SHPRH: variants seen among roughly 807,000 people sequenced by gnomAD.
SHPRH encodes the protein E3 ubiquitin-protein ligase SHPRH.
SHPRH carries 106 observed loss-of-function variants against 202.5 expected under a neutral mutation model. The ratio of observed to expected loss-of-function variants is 0.52; its 90% CI spans 0.45 to 0.62. SHPRH has a LOEUF of 0.62. SHPRH is among the 20% of genes least tolerant of loss of function. The probability of loss-of-function intolerance (pLI) is 0.00; values close to 1 mark genes in which losing one functional copy is unlikely to be tolerated. For synonymous variants in SHPRH, 729 were observed against 686.0 expected (o/e 1.06, Z -0.98); for missense variants, 1,710 against 2,020.0 (o/e 0.85, Z 2.94).
intron 2 of SHPRH, chr6:145,864,605 T>A (rs199825144): frequency 2.7e-4 from 30 of 109,842 alleles, no homozygotes; most frequent in East Asian, 5.0e-4. Flanking sequence ...AAGAAAGAAA[T>A]TTTTTTTTTT....
At chr6:145,947,716 C>T in intron 5 of SHPRH, 73 bp from the exon 6 acceptor site, 2 of 1,536,034 alleles carry the variant, frequency 1.3e-6, no homozygotes, top group Non-Finnish European at 1.8e-6. Flanking sequence ...ATTACTTTTC[C>T]TAAAGAGAAC....
chr6:145,961,892 T>C (rs368750196), intron 1 of SHPRH, among the ~76,000 whole-genome samples: 22 of 152,192 alleles, frequency 1.4e-4, no homozygotes, highest in African/African-American at 5.3e-4. Context: ...CCAAAGAAAA[T>C]AGTATTTGGT....
chr6:145,931,587 C>T (rs1369999612), intron 14 of SHPRH, among the ~76,000 whole-genome samples: 1 of 152,142 alleles, frequency 6.6e-6, no homozygotes, highest in South Asian at 2.1e-4. Context: ...CTGCCTGCCT[C>T]GGCTTCCCAA....
intron 2 of SHPRH, among the ~76,000 whole-genome samples, chr6:145,867,613 TATATATATATATATATATAGAGAG>T (rs1327534472): frequency 1.6e-5 from 1 of 63,612 alleles, no homozygotes; most frequent in East Asian, 5.6e-4. Flanking sequence ...TATATATATA[TATATATATATATATATATAGAGAG>T]AGAGAGAGAG....
At chr6:145,940,660 C>T (rs970592662) in intron 11 of SHPRH, 63 bp downstream of exon 11, 4 of 1,526,478 alleles carry the variant, frequency 2.6e-6, no homozygotes, top group African/African-American at 1.4e-5. Context: ...CATAACAATA[C>T]TTTTCTCTCT....
downstream of SHPRH, chr6:145,883,459 C>T (rs1780735734): frequency 6.6e-6 from 1 of 152,214 alleles, no homozygotes; most frequent in Non-Finnish European, 1.5e-5. Flanking sequence ...TTTTGTAACT[C>T]AGAGGCAACA....
rs146708400 is a variant in SHPRH at position 145,903,412 on chromosome 6, T to C, written c.4515+7036A>G. On this transcript the variant is annotated intron_variant, in intron 25 of 29. Coordinates refer to ENST00000275233, the MANE Select transcript of SHPRH (RefSeq NM_001042683.3). ...AGTATGGCTAGGCTTCTCTGTGAGTTGGAATGTAGAGATACAGAGTTTTTT... is the reference window on the plus strand; with the variant it reads ...AGTATGGCTAGGCTTCTCTGTGAGTCGGAATGTAGAGATACAGAGTTTTTT... 1.1e-4 allele frequency: 14 copies of C among 129,932 alleles called. No individual in the cohort carries two copies. The East Asian group carries it at 3.4e-3, about 31-fold the overall frequency. 8.0% of individuals were successfully genotyped at this position (129,932 alleles called of 1,614,324 possible).
Position 145,943,623 on chromosome 6 carries a change from T to G in SHPRH, c.1758A>C (p.Lys586Asn). ...LRKKLVPSTK[K>N]GKSQPFINPD... Reference sequence around the variant, plus strand: ...GATTGATAAATGGTTGACTTTTTCCTTTTTTTGTGGATGGAACAAGCTTTT... The same window carrying G: ...GATTGATAAATGGTTGACTTTTTCCGTTTTTTGTGGATGGAACAAGCTTTT... The change falls in exon 9 of 30, where the codon AAA (lysine) becomes AAC (asparagine). Residue 586 changes from lysine (K) to asparagine (N), a missense_variant. Around this residue, in one of 8 missense-constraint regions of SHPRH, gnomAD observed 348 missense variants for 356.9 expected, o/e 0.97. Transcript: ENST00000275233. The G allele has an allele frequency of 6.2e-7, 1 of 1,613,820 alleles. No individual in the cohort carries two copies. The highest frequency in any genetic ancestry group is 8.5e-7 in the Non-Finnish European group (1 of 1,179,848).
At chr6:145,955,604 T>C (rs1252362703) in intron 1 of SHPRH, among the ~76,000 whole-genome samples, 1 of 152,134 alleles carries the variant, frequency 6.6e-6, no homozygotes, top group African/African-American at 2.4e-5. Context: ...CAATTTGTTG[T>C]ATAAAATAAA....
intron 21 of SHPRH, 108 bp downstream of exon 21, chr6:145,921,059 A>G (rs182007713): frequency 3.2e-6 from 3 of 925,980 alleles, no homozygotes; most frequent in East Asian, 5.3e-5. Context: ...TGCCACCTCA[A>G]TCTCAAAAGA....
At chr6:145,948,011 A>G (rs536640382) in intron 5 of SHPRH, among the ~76,000 whole-genome samples, 1 of 152,176 alleles carries the variant, frequency 6.6e-6, no homozygotes, top group South Asian at 2.1e-4. Flanking sequence ...AATAAACAAG[A>G]TAACATTTTT....
chr6:145,897,517 ATTC>A (rs1448922676), intron 25 of SHPRH, among the ~76,000 whole-genome samples: 1 of 152,142 alleles, frequency 6.6e-6, no homozygotes, highest in Admixed American at 6.6e-5. Context: ...AAGAGAAAAT[ATTC>A]TTAATTCATT....
downstream of SHPRH, chr6:145,881,449 AGGGCCCT>A (rs1780565724): frequency 6.6e-6 from 1 of 152,194 alleles, no homozygotes; most frequent in Non-Finnish European, 1.5e-5. Context: ...AGAAAATCCT[AGGGCCCT>A]TCAGACTCCT....
At chr6:145,884,083 G>A (rs991042421), downstream of SHPRH, 1 of 152,160 alleles carries the variant, frequency 6.6e-6, no homozygotes, top group East Asian at 1.9e-4. Context: ...AGGATAGCTT[G>A]CATTGGTGAT....
intron 1 of SHPRH, among the ~76,000 whole-genome samples, chr6:145,961,295 T>C (rs929740484): frequency 5.9e-5 from 9 of 152,198 alleles, no homozygotes; most frequent in Non-Finnish European, 1.0e-4. Context: ...TCAGAATGTC[T>C]TGGAGAAGGG....
At chr6:145,940,861 A>ACTG (rs1786695775) in intron 10 of SHPRH, 60 bp from the exon 11 acceptor site, 3 of 1,561,872 alleles carry the variant, frequency 1.9e-6, no homozygotes, top group Non-Finnish European at 2.6e-6. Context: ...AAGAACACAG[A>ACTG]AGTCAGGCAT....
intron 14 of SHPRH, among the ~76,000 whole-genome samples, chr6:145,932,168 T>A (rs140403469): frequency 1.6e-4 from 25 of 152,308 alleles, no homozygotes; most frequent in Admixed American, 3.3e-4. Context: ...ACATGTTTCA[T>A]CTTCACTCTT....
At chr6:145,935,701 C>A in intron 11 of SHPRH, 7 of 300,600 alleles carry the variant, frequency 2.3e-5, no homozygotes, top group Non-Finnish European at 4.3e-5. Context: ...ATACTTAATT[C>A]AAAAATCTGA....
chr6:145,961,263 T>G (rs538668030), intron 1 of SHPRH, among the ~76,000 whole-genome samples: 1 of 152,262 alleles, frequency 6.6e-6, no homozygotes, highest in East Asian at 1.9e-4. Flanking sequence ...CTTAAAAAAA[T>G]CCTGATGTCG....
Sources: gnomAD v4.1 joint callset for allele counts (sites outside exome capture counted in the v4.1 genomes callset) on GRCh38, gnomAD v4.1.1 for gene constraint, gnomAD v4.1.1 regional missense constraint, MANE v1.5 for transcripts, NCBI Gene and HGNC (gene_info 2026-07-23, HGNC 2026-07-21) for gene names.